The following CNOT2 variants were observed in gnomAD, a reference collection of about 807,000 sequenced individuals.
CNOT2 encodes the protein CC chemokine receptor 4-negative regulator of transcription 2.
A neutral mutation model predicts 72.1 loss-of-function variants in CNOT2; 7 were observed. The observed-to-expected ratio is 0.10, with a 90% confidence interval of 0.06 to 0.18. The LOEUF is 0.18. CNOT2 is among the 10% of genes least tolerant of loss of function. The pLI is 1.00. For missense variants in CNOT2, 345 were observed against 660.3 expected, an observed-to-expected ratio of 0.52 and a Z score of 5.23; for synonymous variants, 196 against 225.6, an observed-to-expected ratio of 0.87 and a Z score of 1.17.
At chr12:70,259,596 C>T (rs957958876) in intron 1 of CNOT2, among the ~76,000 whole-genome samples, 5 of 152,112 alleles carry the variant, frequency 3.3e-5, no homozygotes, top group Middle Eastern at 3.2e-3. Context: ...TTCGAACAAA[C>T]GGGTTTGTAG....
chr12:70,261,617 G>GT (rs1163390971), intron 1 of CNOT2, among the ~76,000 whole-genome samples: 2 of 151,602 alleles, frequency 1.3e-5, no homozygotes, highest in Non-Finnish European at 2.9e-5. Context: ...CGCCTGGCCA[G>GT]TTTTTGTGCC....
intron 1 of CNOT2, chr12:70,243,911 CGGCCGT>C (rs1031728745): frequency 2.8e-4 from 42 of 152,246 alleles, no homozygotes; most frequent in Non-Finnish European, 5.0e-4. Flanking sequence ...AAGGCGGCAG[CGGCCGT>C]GGCCGTGGCC....
chr12:70,341,098 G>T (rs1416463185), intron 11 of CNOT2, among the ~76,000 whole-genome samples: 1 of 151,944 alleles, frequency 6.6e-6, no homozygotes, highest in African/African-American at 2.4e-5. Context: ...GGCCAGGCTG[G>T]TCTCTTAACT....
chr12:70,321,773 A>G (rs1878339867), intron 4 of CNOT2: 1 of 151,070 alleles, frequency 6.6e-6, no homozygotes, highest in East Asian at 1.9e-4. Context: ...CTCTAGAAGT[A>G]AGAGTCACTG....
At chr12:70,274,085 T>C (rs1222058061) in intron 1 of CNOT2, among the ~76,000 whole-genome samples, 1 of 152,136 alleles carries the variant, frequency 6.6e-6, no homozygotes, top group Non-Finnish European at 1.5e-5. Context: ...ATATGGCAAT[T>C]TTCCCAGACC....
At chr12:70,304,987 A>T (rs1874972701) in intron 2 of CNOT2, among the ~76,000 whole-genome samples, 2 of 152,228 alleles carry the variant, frequency 1.3e-5, no homozygotes, top group Middle Eastern at 3.4e-3. Flanking sequence ...TGCGGGATAT[A>T]ATCTGGTGTG....
chr12:70,265,952 GT>G (rs1346202021), intron 1 of CNOT2, among the ~76,000 whole-genome samples: 2 of 148,684 alleles, frequency 1.3e-5, no homozygotes, highest in Non-Finnish European at 3.0e-5. Context: ...TCACTTTTTA[GT>G]GTAATTCTCT....
intron 4 of CNOT2, chr12:70,324,386 G>A (rs1878752865): frequency 1.3e-5 from 2 of 151,028 alleles, no homozygotes; most frequent in African/African-American, 4.9e-5. Flanking sequence ...CAGTAGTCCA[G>A]GCAAAAAAAA....
At chr12:70,275,689 A>T (rs1242865213) in intron 1 of CNOT2, among the ~76,000 whole-genome samples, 1 of 152,048 alleles carries the variant, frequency 6.6e-6, no homozygotes, top group Non-Finnish European at 1.5e-5. Context: ...TGAATTCTTG[A>T]ATATAGGACT....
At chr12:70,300,577 G>A (rs1202616838) in intron 2 of CNOT2, among the ~76,000 whole-genome samples, 17 of 152,114 alleles carry the variant, frequency 1.1e-4, no homozygotes, top group Admixed American at 9.2e-4. Context: ...CCATTGGTCT[G>A]TATCTCTGTT....
At chr12:70,249,981 T>C (rs1958058867) in intron 1 of CNOT2, among the ~76,000 whole-genome samples, 1 of 152,106 alleles carries the variant, frequency 6.6e-6, no homozygotes. Context: ...TTCTAATCTA[T>C]GCTTGCTTAT....
intron 2 of CNOT2, among the ~76,000 whole-genome samples, chr12:70,299,106 C>G (rs1243673102): frequency 6.6e-6 from 1 of 151,912 alleles, no homozygotes; most frequent in Admixed American, 6.6e-5. Context: ...GTCTCACAAT[C>G]GTGGCAGAAG....
chr12:70,248,388 C>G (rs1451338512), intron 1 of CNOT2, among the ~76,000 whole-genome samples: 1 of 152,102 alleles, frequency 6.6e-6, no homozygotes, highest in Non-Finnish European at 1.5e-5. Context: ...TTTGAATAAG[C>G]AAGGTGAGAA....
At chr12:70,245,423 AG>A (rs1176523561) in intron 1 of CNOT2, among the ~76,000 whole-genome samples, 3 of 152,136 alleles carry the variant, frequency 2.0e-5, no homozygotes, top group Non-Finnish European at 4.4e-5. Context: ...AAACTGCTGA[AG>A]TTTTTTTTGC....
chr12:70,300,623 C>G (rs190241731), intron 2 of CNOT2, among the ~76,000 whole-genome samples: 14,539 of 152,148 alleles, frequency 0.096, 900 homozygotes, highest in Middle Eastern at 0.19. Context: ...GTTACTGTAG[C>G]CTTGTAGTAT....
chr12:70,344,468 T>A, intron 14 of CNOT2: 1 of 414,234 alleles, frequency 2.4e-6, no homozygotes, highest in South Asian at 3.4e-5. Context: ...TGGCTCACAC[T>A]TGTAATCCCA....
intron 13 of CNOT2, among the ~76,000 whole-genome samples, chr12:70,343,546 A>G (rs1434218358): frequency 1.3e-5 from 2 of 152,232 alleles, no homozygotes; most frequent in Non-Finnish European, 2.9e-5. Flanking sequence ...TGCTGAAAGC[A>G]TACAACTGAC....
At chr12:70,304,384 T>A (rs1325535372) in intron 2 of CNOT2, among the ~76,000 whole-genome samples, 1 of 152,224 alleles carries the variant, frequency 6.6e-6, no homozygotes, top group Admixed American at 6.5e-5. Flanking sequence ...GTTTTTGGTG[T>A]GGATGTCCTT....
intron 1 of CNOT2, among the ~76,000 whole-genome samples, chr12:70,276,109 A>AT (rs1868743137): frequency 6.6e-6 from 1 of 151,996 alleles, no homozygotes; most frequent in Non-Finnish European, 1.5e-5. Flanking sequence ...TAATAAATAG[A>AT]TTTTCCCTTT....
Sources: gnomAD v4.1 joint callset for allele counts (sites outside exome capture counted in the v4.1 genomes callset) on GRCh38, gnomAD v4.1.1 for gene constraint, MANE v1.5 for transcripts, NCBI Gene and HGNC (gene_info 2026-07-23, HGNC 2026-07-21) for gene names.